The following ADGRA1 variants were observed in gnomAD, a reference collection of about 807,000 sequenced individuals.
ADGRA1 encodes adhesion G protein-coupled receptor A1.
Under a neutral mutation model 21.3 loss-of-function variants are expected in ADGRA1, and 12 were observed. The ratio of observed to expected loss-of-function variants is 0.56; its 90% CI spans 0.36 to 0.91. The LOEUF is 0.91. ADGRA1 is among the 40% of genes least tolerant of loss of function. The pLI, the probability that ADGRA1 is intolerant of heterozygous loss-of-function variation, is 0.01. For missense variants in ADGRA1, 790 were observed against 805.6 expected (o/e 0.98, Z 0.23); for synonymous variants, 385 against 368.8 (o/e 1.04, Z -0.50).
intron 4 of ADGRA1, among the ~76,000 whole-genome samples, chr10:133,100,761 C>G (rs909466867): frequency 6.6e-6 from 1 of 152,240 alleles, no homozygotes; most frequent in African/African-American, 2.4e-5. Context: ...GCTGTGGGCA[C>G]TAGGGCACTG....
chr10:133,129,119 G>A lies in ADGRA1; in HGVS notation c.1291G>A (p.Ala431Thr). 6.4e-7 allele frequency: 1 copy of A among 1,554,172 alleles called. No homozygotes were observed. The highest frequency in any genetic ancestry group is 2.4e-5 in the East Asian group (1 of 41,236). ...TKPPYFSRHP[A>T]EEPEYAYHIP... Reference sequence around the variant, plus strand: ...GCCGCCCTACTTTAGCCGGCACCCAGCAGAGGAGCCCGAGTACGCCTACCA... The same window carrying A: ...GCCGCCCTACTTTAGCCGGCACCCAACAGAGGAGCCCGAGTACGCCTACCA... Residue 431 changes from alanine to threonine, a missense_variant, in exon 7 of 7, where the codon GCA becomes ACA. Around this residue, in one of 3 missense-constraint regions of ADGRA1, gnomAD observed 391 missense variants for 351.5 expected, o/e 1.11. Transcript: ENST00000392607.
intron 5 of ADGRA1, among the ~76,000 whole-genome samples, chr10:133,109,637 T>C (rs1236416505): frequency 1.3e-5 from 2 of 152,162 alleles, no homozygotes; most frequent in Admixed American, 1.3e-4. Flanking sequence ...CCACCTCCTA[T>C]TGCAGAGCAA....
intron 5 of ADGRA1, among the ~76,000 whole-genome samples, chr10:133,103,061 C>CCGGAGGGGAGGGGCGT (rs1851827993): frequency 6.6e-6 from 1 of 151,264 alleles, no homozygotes; most frequent in Admixed American, 6.6e-5. Flanking sequence ...GGGAGGGGCG[C>CCGGAGGGGAGGGGCGT]CGGTCACTGG....
chr10:133,121,868 T>C (rs1564853367), intron 5 of ADGRA1, among the ~76,000 whole-genome samples: 3 of 145,690 alleles, frequency 2.1e-5, no homozygotes, highest in African/African-American at 7.7e-5. Flanking sequence ...AATGAGTGCC[T>C]GTGTGTGGTG....
rs200784125 is a variant in ADGRA1, at chr10:133,129,281, G to A, written c.1453G>A (p.Glu485Lys). 1.4e-4 allele frequency: 223 copies of A among 1,550,854 alleles called. 2 individuals are homozygous for A. The African/African-American group carries it at 2.6e-3, about 18-fold the overall frequency. ...GDPFPMVTQP[E>K]GSDGSPALYS... ...CCCCTTCCCCATGGTCACCCAGCCC[G>A]AGGGCAGTGATGGGAGCCCTGCCCT... The change falls in exon 7 of 7, where the codon GAG (glutamate) becomes AAG (lysine). Residue 485 changes from glutamate to lysine, a missense_variant. Around this residue, in one of 3 missense-constraint regions of ADGRA1, gnomAD observed 391 missense variants for 351.5 expected, o/e 1.11. Transcript: ENST00000392607.
chr10:133,111,876 CCACCT>C (rs1852023792), intron 5 of ADGRA1, among the ~76,000 whole-genome samples: 1 of 124,642 alleles, frequency 8.0e-6, no homozygotes, highest in Non-Finnish European at 1.8e-5. Flanking sequence ...TCCCTCCAGA[CCACCT>C]GCCCACCACA....
chr10:133,092,833 G>A (rs2135864032), intron 2 of ADGRA1, among the ~76,000 whole-genome samples: 1 of 77,304 alleles, frequency 1.3e-5, no homozygotes, highest in Non-Finnish European at 2.5e-5. Context: ...GGAAGAGAGG[G>A]AGGGAGGGAA....
chr10:133,094,536 G>A lies in ADGRA1; in HGVS notation c.4-2438G>A, dbSNP rs956078083. Among the ~76,000 whole-genome samples, 10 of 152,282 alleles carry A rather than the reference G, an allele frequency of 6.6e-5. No homozygotes were observed. In the South Asian group the frequency reaches 1.0e-3, roughly 16 times the overall value. On this transcript the variant is annotated intron_variant, in intron 2 of 6. Transcript: ENST00000392607. Reference sequence around the variant, plus strand: ...AGCCCCAGGGAGGCCGTGAGAGGACGCGTGAGGGCCCGGGGCAGACCACCC... The same window carrying A: ...AGCCCCAGGGAGGCCGTGAGAGGACACGTGAGGGCCCGGGGCAGACCACCC...
At chr10:133,099,058 T>TG (rs1851741207) in intron 4 of ADGRA1, among the ~76,000 whole-genome samples, 1 of 151,956 alleles carries the variant, frequency 6.6e-6, no homozygotes, top group Non-Finnish European at 1.5e-5. Context: ...GAGAAAGTGC[T>TG]GGGGGGACAC....
At chr10:133,091,358 GT>G (rs1851593186) in intron 2 of ADGRA1, among the ~76,000 whole-genome samples, 1 of 152,202 alleles carries the variant, frequency 6.6e-6, no homozygotes, top group Non-Finnish European at 1.5e-5. Context: ...GGGATGGGCG[GT>G]GTGGCTGGTG....
chr10:133,113,765 G>C (rs1852106263), intron 5 of ADGRA1, among the ~76,000 whole-genome samples: 1 of 112,798 alleles, frequency 8.9e-6, no homozygotes, highest in Non-Finnish European at 1.8e-5. Context: ...GGGTGGGAGG[G>C]AGCCGAGGGA....
chr10:133,128,232 G>T (rs893374936), intron 6 of ADGRA1, 97 bp from the exon 7 acceptor site: 22 of 921,810 alleles, frequency 2.4e-5, no homozygotes, highest in East Asian at 1.4e-4. Flanking sequence ...AAAGCCACTC[G>T]CTAGGCCGGG....
chr10:133,113,170 G>A (rs747171206), intron 5 of ADGRA1, among the ~76,000 whole-genome samples: 14 of 32,846 alleles, frequency 4.3e-4, no homozygotes, highest in East Asian at 1.8e-3. Context: ...TCTGTAAGCC[G>A]CGTCGGTTAT....
At chr10:133,090,326 GGC>G (rs1365244399) in intron 2 of ADGRA1, among the ~76,000 whole-genome samples, 1 of 152,172 alleles carries the variant, frequency 6.6e-6, no homozygotes, top group Non-Finnish European at 1.5e-5. Context: ...CTCGGCCCGG[GGC>G]CACCCGGTCC....
chr10:133,107,972 G>A (rs7075206), intron 5 of ADGRA1, among the ~76,000 whole-genome samples: 12 of 152,224 alleles, frequency 7.9e-5, no homozygotes, highest in Admixed American at 1.3e-4. Context: ...TGTGATTTGG[G>A]TACAGCAGAG....
intron 2 of ADGRA1, chr10:133,095,624 C>A: frequency 6.3e-7 from 1 of 1,579,610 alleles, no homozygotes. Context: ...CGGGCTTTGA[C>A]TGTCAGCCAG....
chr10:133,095,641 G>C, intron 2 of ADGRA1: 1 of 1,589,880 alleles, frequency 6.3e-7, no homozygotes, highest in Non-Finnish European at 8.5e-7. Context: ...CCAGTCCCTT[G>C]GCTCCCCAGA....
intron 2 of ADGRA1, among the ~76,000 whole-genome samples, chr10:133,090,898 A>G (rs1851587108): frequency 1.3e-5 from 2 of 152,172 alleles, no homozygotes; most frequent in South Asian, 4.1e-4. Flanking sequence ...CGTCCTCTCA[A>G]AAGGCTGGTT....
At chr10:133,090,017 G>A (rs1269566338) in intron 2 of ADGRA1, among the ~76,000 whole-genome samples, 1 of 152,242 alleles carries the variant, frequency 6.6e-6, no homozygotes, top group East Asian at 1.9e-4. Flanking sequence ...AGGCCTCCCA[G>A]TTGGCAGGAT....
Sources: gnomAD v4.1 joint callset for allele counts (sites outside exome capture counted in the v4.1 genomes callset) on GRCh38, gnomAD v4.1.1 for gene constraint, gnomAD v4.1.1 regional missense constraint, MANE v1.5 for transcripts, NCBI Gene and HGNC (gene_info 2026-07-23, HGNC 2026-07-21) for gene names.